ZMYM2: variants seen among roughly 807,000 people sequenced by gnomAD.
The protein encoded by ZMYM2 is zinc finger MYM-type containing 2.
A neutral mutation model predicts 162.8 loss-of-function variants in ZMYM2; 56 were observed. The observed-to-expected ratio is 0.34, with a 90% CI of 0.28 to 0.43. The LOEUF (loss-of-function observed/expected upper bound fraction) is 0.43, where lower values mean the gene tolerates loss of function less well. Among genes scored for constraint, ZMYM2 ranks in the 20% least tolerant of loss-of-function variants. The pLI is 1.00. For synonymous variants in ZMYM2, 510 were observed against 541.6 expected (o/e 0.94, Z 0.81); for missense variants, 1,275 against 1,621.8 (o/e 0.79, Z 3.67).
chr13:19,951,990 G>A, the ZMYM2 span, among the ~76,000 whole-genome samples: 6 of 152,038 alleles, frequency 3.9e-5, no homozygotes, highest in African/African-American at 9.7e-5. Context: ...ATATGTAAGT[G>A]TCCATCAACA....
intron 5 of ZMYM2, 140 bp downstream of exon 5, chr13:20,005,379 T>C: frequency 1.7e-6 from 1 of 596,882 alleles, no homozygotes; most frequent in Non-Finnish European, 2.7e-6. Context: ...TCCTATTATG[T>C]AATCTGATTC....
intron 14 of ZMYM2, among the ~76,000 whole-genome samples, chr13:20,054,023 T>TA (rs1227232754): frequency 2.0e-5 from 3 of 152,206 alleles, no homozygotes; most frequent in Non-Finnish European, 4.4e-5. Flanking sequence ...AACCAAACTA[T>TA]ATGACAGAGG....
At chr13:20,058,480 T>G in intron 14 of ZMYM2, 95 bp from the exon 15 acceptor site, 1 of 1,429,322 alleles carries the variant, frequency 7.0e-7, no homozygotes, top group Non-Finnish European at 9.3e-7. Context: ...TGCTTTTGTG[T>G]GTTCCCTTCT....
At chr13:20,014,317 C>A (rs1395402882) in intron 6 of ZMYM2, among the ~76,000 whole-genome samples, 1 of 152,154 alleles carries the variant, frequency 6.6e-6, no homozygotes, top group Non-Finnish European at 1.5e-5. Context: ...CATGATCCAC[C>A]CGCCTCAGCC....
chr13:20,014,090 G>T (rs1487632662), intron 6 of ZMYM2, among the ~76,000 whole-genome samples: 1 of 152,012 alleles, frequency 6.6e-6, no homozygotes, highest in Non-Finnish European at 1.5e-5. Context: ...TTGTTTGTTT[G>T]TGAGACAGAG....
At chr13:20,063,938 TTTA>T (rs1956473615) in intron 18 of ZMYM2, among the ~76,000 whole-genome samples, 1 of 20,292 alleles carries the variant, frequency 4.9e-5, no homozygotes, top group Non-Finnish European at 1.9e-4. Context: ...TTATATAGTT[TTTA>T]TATATATAAT....
chr13:20,055,753 G>C (rs575485177), intron 14 of ZMYM2, among the ~76,000 whole-genome samples: 1 of 151,988 alleles, frequency 6.6e-6, no homozygotes, highest in Non-Finnish European at 1.5e-5. Context: ...CTAAGGAAAA[G>C]ATACAATAAT....
rs747745459 is a variant in ZMYM2, at chr13:20,088,761, G to GT, written c.*2753dup. On this transcript the variant is annotated 3_prime_UTR_variant, in exon 25 of 25. Coordinates refer to ENST00000610343, the MANE Select transcript of ZMYM2 (RefSeq NM_197968.4). Reference sequence around the variant, plus strand: ...GTACTATGCATTCAAATTTATCACTGTTTTTTCTGACAGACTTTCCCTTTG... The same window carrying GT: ...GTACTATGCATTCAAATTTATCACTGTTTTTTTCTGACAGACTTTCCCTTTG... 11 of 195,066 alleles carry GT rather than the reference G, an allele frequency of 5.6e-5. No individual in the cohort carries two copies. The highest frequency in any genetic ancestry group is 9.6e-5 in the Non-Finnish European group (9 of 93,742). 12.1% of individuals were successfully genotyped at this position (195,066 alleles called of 1,614,324 possible).
intron 6 of ZMYM2, among the ~76,000 whole-genome samples, chr13:20,008,156 G>T (rs1388430790): frequency 6.6e-6 from 1 of 152,044 alleles, no homozygotes; most frequent in African/African-American, 2.4e-5. Flanking sequence ...TTGAGACAGG[G>T]TCTTGCTCTG....
At chr13:19,884,664 G>C in the ZMYM2 span, among the ~76,000 whole-genome samples, 341 of 152,208 alleles carry the variant, frequency 2.2e-3, 1 homozygote, top group African/African-American at 8.1e-3. Context: ...GTGTGCCATA[G>C]TTCTTAAAAG....
the ZMYM2 span, among the ~76,000 whole-genome samples, chr13:19,935,663 T>A: frequency 6.6e-6 from 1 of 152,160 alleles, no homozygotes; most frequent in Non-Finnish European, 1.5e-5. Flanking sequence ...TTTTTTTTCT[T>A]TTGAGACAGG....
chr13:19,925,645 G>A, the ZMYM2 span, among the ~76,000 whole-genome samples: 743 of 152,094 alleles, frequency 4.9e-3, 1 homozygote, highest in Non-Finnish European at 8.7e-3. Flanking sequence ...GGATGAGGCG[G>A]GTGGATCACT....
rs187130670 is a variant in ZMYM2 at position 20,045,936 on chromosome 13, C to T, written c.2293-5497C>T. Among the ~76,000 whole-genome samples, 51 of 151,900 alleles carry T rather than the reference C, an allele frequency of 3.4e-4. No homozygotes were observed. The East Asian group carries it at 9.7e-3, about 29-fold the overall frequency. ...GCTTCTTTCTTTGAATGAATGATCT[C>T]CCAGCTTTAAAAAATATTACTGGGG... is the stretch of plus-strand genomic sequence containing the variant. On this transcript the variant is annotated intron_variant, in intron 12 of 24. Transcript: ENST00000610343.
the ZMYM2 span, among the ~76,000 whole-genome samples, chr13:19,938,434 G>A: frequency 6.7e-3 from 1,023 of 152,298 alleles, 19 homozygotes; most frequent in African/African-American, 0.023. Context: ...GGAGGCCAAC[G>A]TTGCAGTGAG....
chr13:20,045,622 A>G (rs1376094563), intron 12 of ZMYM2, among the ~76,000 whole-genome samples: 1 of 152,106 alleles, frequency 6.6e-6, no homozygotes, highest in Non-Finnish European at 1.5e-5. Context: ...ATTGTTTAGG[A>G]GGTTTTATTT....
At chr13:19,870,571 C>CTTCA in the ZMYM2 span, among the ~76,000 whole-genome samples, 16 of 138,906 alleles carry the variant, frequency 1.2e-4, no homozygotes, top group African/African-American at 4.5e-4. Context: ...TCCTTCCTTC[C>CTTCA]TTCTTTCCTT....
chr13:19,953,797 C>A (rs1486327679), upstream of ZMYM2, among the ~76,000 whole-genome samples: 1 of 150,838 alleles, frequency 6.6e-6, no homozygotes, highest in Non-Finnish European at 1.5e-5. Context: ...TTGTCCATGA[C>A]TTGCTTTCTC....
the ZMYM2 span, among the ~76,000 whole-genome samples, chr13:19,895,486 C>T: frequency 2.0e-5 from 3 of 151,918 alleles, no homozygotes; most frequent in South Asian, 2.1e-4. Flanking sequence ...AGGGCCTTCC[C>T]GCTGTGGGGA....
rs751728234 is a variant in ZMYM2, at chr13:20,082,786, A to G, written c.3574A>G (p.Ile1192Val). The G allele has an allele frequency of 4.4e-6, 7 of 1,600,296 alleles. No homozygotes were observed. Among genetic ancestry groups the G allele is most frequent in the Non-Finnish European group, 6.0e-6 (7 of 1,171,728 alleles). Reference protein sequence around the residue: ...WQPSILPDGSIFSRVEEDYLW... With the variant: ...WQPSILPDGSVFSRVEEDYLW... ...AATAGTTCTCTCTATTTAAGGGTCA[A>G]TATTCTCTCGAGTTGAAGAAGACTA... The change falls in exon 23 of 25, where the codon ATA (isoleucine) becomes GTA (valine). Residue 1192 changes from isoleucine (I) to valine (V), a missense_variant. Ile to Val is a conservative substitution (Grantham distance 29). This residue lies in a region of ZMYM2 where 103 missense variants were observed against 192.2 expected (regional missense o/e 0.54). Transcript: ENST00000610343.
Sources: gnomAD v4.1 joint callset for allele counts (sites outside exome capture counted in the v4.1 genomes callset) on GRCh38, gnomAD v4.1.1 for gene constraint, gnomAD v4.1.1 regional missense constraint, MANE v1.5 for transcripts, NCBI Gene and HGNC (gene_info 2026-07-23, HGNC 2026-07-21) for gene names.